ING5: variants seen among roughly 807,000 people sequenced by gnomAD.
ING5 encodes the protein inhibitor of growth protein 5.
In ING5, 17 loss-of-function variants were observed where a neutral mutation model predicts 37.4. That is an observed-to-expected ratio of 0.45 (90% confidence interval 0.31 to 0.68). The LOEUF is 0.68. Among genes scored for constraint, ING5 ranks in the 30% least tolerant of loss-of-function variants. ING5 has a pLI of 0.05. For synonymous variants in ING5, 123 were observed against 116.6 expected (o/e 1.06, Z -0.36); for missense variants, 233 against 311.9 (o/e 0.75, Z 1.91).
At chr2:241,711,355 G>A (rs756512689) in intron 3 of ING5, 22 bp from the exon 4 acceptor site, 1 of 1,465,376 alleles carries the variant, frequency 6.8e-7, no homozygotes, top group Admixed American at 2.6e-5. Context: ...TTTAAAATAA[G>A]ACTTTGGGTA....
intron 2 of ING5, among the ~76,000 whole-genome samples, chr2:241,693,166 G>T (rs1015234655): frequency 6.7e-6 from 1 of 150,234 alleles, no homozygotes; most frequent in African/African-American, 2.5e-5. Flanking sequence ...GGCTGAGGCA[G>T]GAGAATTGCT....
intron 5 of ING5, among the ~76,000 whole-genome samples, chr2:241,719,059 T>G (rs1010513386): frequency 6.6e-6 from 1 of 152,114 alleles, no homozygotes; most frequent in Non-Finnish European, 1.5e-5. Context: ...CGGGGCAGGG[T>G]CTCAGCTTCA....
intron 2 of ING5, among the ~76,000 whole-genome samples, chr2:241,692,163 G>A (rs541083450): frequency 6.6e-6 from 1 of 152,176 alleles, no homozygotes; most frequent in African/African-American, 2.4e-5. Context: ...CACCAGTCAT[G>A]TGGTGAGCCC....
intron 3 of ING5, among the ~76,000 whole-genome samples, chr2:241,710,027 C>T (rs2070058099): frequency 6.6e-6 from 1 of 151,734 alleles, no homozygotes; most frequent in Admixed American, 6.6e-5. Context: ...ACTGCAACCT[C>T]CACCTCCTGG....
At chr2:241,701,747 C>T (rs1322084001), upstream of ING5, among the ~76,000 whole-genome samples, 1 of 152,140 alleles carries the variant, frequency 6.6e-6, no homozygotes. Flanking sequence ...GGGTCGCTGA[C>T]AGGTGCGGAG....
intron 2 of ING5, 157 bp from the exon 3 acceptor site, chr2:241,709,059 G>A (rs568598279): frequency 1.1e-3 from 776 of 721,904 alleles, no homozygotes; most frequent in Non-Finnish European, 1.6e-3. Context: ...TGTGCAGAAC[G>A]GTTCTGCCCA....
chr2:241,690,803 CTTTT>C, intron 2 of ING5: 1 of 336,054 alleles, frequency 3.0e-6, no homozygotes, highest in Non-Finnish European at 5.3e-6. Context: ...TCTCTGCTTG[CTTTT>C]TTTTTTTTTC....
At chr2:241,721,270 A>G in intron 5 of ING5, 6 of 985,406 alleles carry the variant, frequency 6.1e-6, no homozygotes, top group Non-Finnish European at 7.2e-6. Context: ...CAGAGGAGAG[A>G]CCCGAAGACT....
intron 1 of ING5, 103 bp from the exon 2 acceptor site, chr2:241,704,550 A>C (rs2069844387): frequency 1.1e-6 from 1 of 931,180 alleles, no homozygotes. Flanking sequence ...CCTGGGCAAC[A>C]AGAGTGAAAC....
chr2:241,695,343 G>A (rs1375553833), intron 2 of ING5, among the ~76,000 whole-genome samples: 1 of 151,980 alleles, frequency 6.6e-6, no homozygotes, highest in East Asian at 1.9e-4. Context: ...ACACTGGACA[G>A]GACAGTCACC....
At chr2:241,696,315 T>C (rs1447258926) in intron 2 of ING5, among the ~76,000 whole-genome samples, 1 of 151,814 alleles carries the variant, frequency 6.6e-6, no homozygotes, top group Non-Finnish European at 1.5e-5. Context: ...CGCTTGAACC[T>C]GGGAGGTGGA....
At position 241,725,883 on chromosome 2, in the gene ING5, T is replaced by G. The variant is rs1033295153; in HGVS notation, c.*852T>G. The G allele has an allele frequency of 6.5e-6, 1 of 152,672 alleles. No individual in the cohort carries two copies. Among genetic ancestry groups the G allele is most frequent in the South Asian group, 2.1e-4 (1 of 4,832 alleles). The allele number at this position is 152,672 out of a possible 1,614,324, so 9.5% of individuals were successfully genotyped here. ...CAGGAGCTGACGAACCACGAATGCT[T>G]CTGCCTGTGCTGTGCATTCCCAGGC... On this transcript the variant is annotated 3_prime_UTR_variant, in exon 8 of 8. Transcript: ENST00000313552.
chr2:241,701,736 G>C (rs1465092446), upstream of ING5, among the ~76,000 whole-genome samples: 1 of 152,178 alleles, frequency 6.6e-6, no homozygotes, highest in Non-Finnish European at 1.5e-5. Flanking sequence ...TGGTGGCCCA[G>C]GGGTCGCTGA....
chr2:241,719,454 C>T (rs1341982478), intron 5 of ING5: 3 of 1,118,342 alleles, frequency 2.7e-6, no homozygotes, highest in South Asian at 2.6e-5. Flanking sequence ...GTTTTTGTGA[C>T]TTGCTGGGTT....
At chr2:241,699,540 T>C (rs1019027538), upstream of ING5, among the ~76,000 whole-genome samples, 1 of 152,100 alleles carries the variant, frequency 6.6e-6, no homozygotes, top group Non-Finnish European at 1.5e-5. Flanking sequence ...CCTCTCATGG[T>C]GATCATACGG....
intron 6 of ING5, 22 bp from the exon 7 acceptor site, chr2:241,723,188 G>A (rs774673046): frequency 1.1e-5 from 18 of 1,614,002 alleles, no homozygotes; most frequent in Admixed American, 3.3e-5. Flanking sequence ...TGTTGACTGC[G>A]GTTTCTCCCT....
chr2:241,698,490 TAGA>T (rs1429390497), upstream of ING5, among the ~76,000 whole-genome samples: 32 of 123,602 alleles, frequency 2.6e-4, no homozygotes, highest in South Asian at 4.9e-3. Context: ...ATGTTTATAA[TAGA>T]GGAGTGTGTG....
intron 2 of ING5, among the ~76,000 whole-genome samples, chr2:241,692,741 C>A (rs1184555423): frequency 1.3e-5 from 2 of 152,082 alleles, no homozygotes; most frequent in East Asian, 3.9e-4. Flanking sequence ...AGTCAGCGAC[C>A]CCCATTTTCC....
chr2:241,718,111 C>G (rs1027674983), intron 5 of ING5, among the ~76,000 whole-genome samples: 2 of 152,122 alleles, frequency 1.3e-5, no homozygotes, highest in Non-Finnish European at 2.9e-5. Flanking sequence ...CTCCCGGGTT[C>G]AAGCCATTCT....
Sources: gnomAD v4.1 joint callset for allele counts (sites outside exome capture counted in the v4.1 genomes callset) on GRCh38, gnomAD v4.1.1 for gene constraint, MANE v1.5 for transcripts, NCBI Gene and HGNC (gene_info 2026-07-23, HGNC 2026-07-21) for gene names.